OTUD7A: variants seen among roughly 807,000 people sequenced by gnomAD.
OTUD7A encodes the protein OTU deubiquitinase 7A, also known as OTU domain-containing protein 7A.
Under a neutral mutation model 65.7 loss-of-function variants are expected in OTUD7A, and 12 were observed. That is an observed-to-expected ratio of 0.18 (90% CI 0.12 to 0.30). The LOEUF (loss-of-function observed/expected upper bound fraction) is 0.30. Among genes scored for constraint, OTUD7A ranks in the 10% least tolerant of loss-of-function variants. OTUD7A has a pLI of 1.00. For synonymous variants in OTUD7A, 641 were observed against 586.3 expected (o/e 1.09, Z -1.35); for missense variants, 1,148 against 1,304.8 (o/e 0.88, Z 1.85).
chr15:31,581,566 C>T (rs1889372158), intron 3 of OTUD7A, among the ~76,000 whole-genome samples: 1 of 152,234 alleles, frequency 6.6e-6, no homozygotes, highest in Admixed American at 6.5e-5. Flanking sequence ...AACCTCACTT[C>T]TTGACTTCTG....
chr15:31,869,906 AG>A (rs377409004), intron 1 of OTUD7A, among the ~76,000 whole-genome samples: 312 of 152,278 alleles, frequency 2.0e-3, no homozygotes, highest in African/African-American at 7.4e-3. Flanking sequence ...AGGAGATACT[AG>A]GGAAGGCCTC....
chr15:31,853,546 G>T (rs1897484202), intron 1 of OTUD7A, among the ~76,000 whole-genome samples: 1 of 152,322 alleles, frequency 6.6e-6, no homozygotes, highest in African/African-American at 2.4e-5. Flanking sequence ...AGGAGAAATG[G>T]CCTAGCCCCA....
In OTUD7A at chr15:31,688,287, C is replaced by A. The variant is rs564282547; in HGVS notation, c.-99-31210G>T. Among the ~76,000 whole-genome samples, 308 of 151,730 alleles carry A rather than the reference C, an allele frequency of 2.0e-3. 1 individual carries two copies. The highest frequency in any genetic ancestry group is 3.5e-3 in the Non-Finnish European group (236 of 67,988). ...ACCTTAGCCCAGTGAACAAACTTAT[C>A]ACCATGAGCCACGGTGTGCCCACTG... On this transcript the variant is annotated intron_variant, in intron 1 of 12. Coordinates refer to ENST00000307050, the MANE Select transcript of OTUD7A (RefSeq NM_001382637.1).
intron 1 of OTUD7A, among the ~76,000 whole-genome samples, chr15:31,676,114 T>A (rs1170685671): frequency 6.6e-6 from 1 of 152,178 alleles, no homozygotes; most frequent in Non-Finnish European, 1.5e-5. Context: ...ATATTGTGAC[T>A]AAAGTGATGG....
In OTUD7A at chr15:31,719,109, G is replaced by T. The variant is rs544632511; in HGVS notation, c.-99-62032C>A. On this transcript the variant is annotated intron_variant, in intron 1 of 12. Coordinates refer to ENST00000307050, the MANE Select transcript of OTUD7A (RefSeq NM_001382637.1). ...ATGTTTTATTTTTATTTTAGAGACA[G>T]AGTCTTATTCTGTTGCCCAGGCTGG... Among the ~76,000 whole-genome samples the T allele has an allele frequency of 2.2e-3, 331 of 152,202 alleles. 1 individual carries two copies. The highest frequency in any genetic ancestry group is 1.3e-3 in the Non-Finnish European group (90 of 68,020).
At chr15:31,573,869 C>T (rs1889124697) in intron 3 of OTUD7A, among the ~76,000 whole-genome samples, 1 of 152,112 alleles carries the variant, frequency 6.6e-6, no homozygotes, top group Non-Finnish European at 1.5e-5. Context: ...CCACTGCATG[C>T]CAGCCTGGGC....
intron 1 of OTUD7A, among the ~76,000 whole-genome samples, chr15:31,709,088 G>C (rs1209788588): frequency 1.3e-5 from 2 of 151,372 alleles, no homozygotes; most frequent in Non-Finnish European, 2.9e-5. Flanking sequence ...GAGAGGGAGA[G>C]AAAACACAGG....
chr15:31,823,161 T>C (rs1477148929), intron 1 of OTUD7A, among the ~76,000 whole-genome samples: 1 of 152,052 alleles, frequency 6.6e-6, no homozygotes. Context: ...GGACACCTCT[T>C]TCGCACACAA....
intron 3 of OTUD7A, among the ~76,000 whole-genome samples, chr15:31,579,732 A>G (rs1194911559): frequency 2.6e-5 from 4 of 152,378 alleles, no homozygotes; most frequent in African/African-American, 9.6e-5. Context: ...ACATGTATAC[A>G]CATGCACACA....
chr15:31,563,546 C>T (rs1888763411), intron 4 of OTUD7A, among the ~76,000 whole-genome samples: 1 of 152,160 alleles, frequency 6.6e-6, no homozygotes, highest in African/African-American at 2.4e-5. Flanking sequence ...CCTGCCTTTC[C>T]TCTCCCCAGC....
rs938139077 is a variant in OTUD7A at position 31,476,434 on chromosome 15, T to C, written c.*6860A>G. The C allele has an allele frequency of 7.2e-5, 11 of 152,266 alleles. No homozygotes were observed. Among genetic ancestry groups the C allele is most frequent in the African/African-American group, 2.2e-4 (9 of 41,448 alleles). 9.4% of individuals were successfully genotyped at this position (152,266 alleles called of 1,614,324 possible). Reference sequence around the variant, plus strand: ...TGTGTGCAAAGAGCTGGACAGCCCATAGGGCCTGGGAGACCTTCACGGACA... The same window carrying C: ...TGTGTGCAAAGAGCTGGACAGCCCACAGGGCCTGGGAGACCTTCACGGACA... On this transcript the variant is annotated 3_prime_UTR_variant, in exon 13 of 13. Coordinates refer to ENST00000307050, the MANE Select transcript of OTUD7A (RefSeq NM_001382637.1).
chr15:31,569,333 A>G (rs1888973992), intron 4 of OTUD7A, among the ~76,000 whole-genome samples: 1 of 152,268 alleles, frequency 6.6e-6, no homozygotes, highest in Non-Finnish European at 1.5e-5. Flanking sequence ...TACAGCAGTG[A>G]TCTAAAAATT....
At chr15:31,495,334 C>T (rs2041368151) in intron 10 of OTUD7A, among the ~76,000 whole-genome samples, 1 of 152,222 alleles carries the variant, frequency 6.6e-6, no homozygotes, top group African/African-American at 2.4e-5. Flanking sequence ...CGTTACTCAG[C>T]TCTCTGGGCA....
rs887933174 is a variant in OTUD7A, at chr15:31,783,608, G to A, written c.-100+86899C>T. 2.6e-5 allele frequency among the ~76,000 whole-genome samples: 4 copies of A among 152,148 alleles called. No individual in the cohort carries two copies. The East Asian group carries it at 7.7e-4, about 29-fold the overall frequency. On this transcript the variant is annotated intron_variant, in intron 1 of 12. Coordinates refer to ENST00000307050, the MANE Select transcript of OTUD7A (RefSeq NM_001382637.1). ...TGAAAAGTATTAATTGTATTAACTA[G>A]CAACCCTTGTGTGTAAGTGTTCCTG... is the stretch of plus-strand genomic sequence containing the variant.
chr15:31,630,763 T>C (rs367952850), intron 3 of OTUD7A, among the ~76,000 whole-genome samples: 2 of 121,906 alleles, frequency 1.6e-5, no homozygotes, highest in Admixed American at 8.3e-5. Flanking sequence ...TTATGAATCT[T>C]GGTGCTCCTG....
chr15:31,659,140 T>C (rs1892086685), intron 1 of OTUD7A, among the ~76,000 whole-genome samples: 1 of 152,178 alleles, frequency 6.6e-6, no homozygotes, highest in Admixed American at 6.5e-5. Flanking sequence ...TGCATTATAT[T>C]TGTAGATGTT....
intron 1 of OTUD7A, chr15:31,768,097 T>C: frequency 1.9e-6 from 3 of 1,598,194 alleles, no homozygotes; most frequent in South Asian, 2.2e-5. Flanking sequence ...TTTTAAAGTG[T>C]TGTCTGTGTT....
At chr15:31,596,316 G>T (rs1239051041) in intron 3 of OTUD7A, among the ~76,000 whole-genome samples, 4 of 152,204 alleles carry the variant, frequency 2.6e-5, no homozygotes, top group African/African-American at 9.7e-5. Context: ...TGCATCAGTA[G>T]TTCACTGCTT....
At position 31,484,647 on chromosome 15, in the gene OTUD7A, C is replaced by T. The variant is rs1306740057; in HGVS notation, c.1449G>A (p.Ser483=). ...AATTGCTGCACACCGAATCGCGGTC[C>T]GAGTCCAGCGAGTCGGCCAGGGACT... ...DVQSLADSLD[S]DRDSVCSNSN... The change falls in exon 13 of 13, where the codon TCG becomes TCA. Residue 483 remains serine (S), a synonymous_variant. Coordinates refer to ENST00000307050, the MANE Select transcript of OTUD7A (RefSeq NM_001382637.1). This position sits in a 1 kb window ranked among gnomAD's most constrained non-coding sequence, Gnocchi z 4.5. 1.3e-6 allele frequency: 2 copies of T among 1,582,380 alleles called. No individual in the cohort carries two copies. Among genetic ancestry groups the T allele is most frequent in the Non-Finnish European group, 1.7e-6 (2 of 1,166,534 alleles).
Sources: gnomAD v4.1 joint callset for allele counts (sites outside exome capture counted in the v4.1 genomes callset) on GRCh38, gnomAD v4.1.1 for gene constraint, Gnocchi (gnomAD v3.1) non-coding constraint, MANE v1.5 for transcripts, NCBI Gene and HGNC (gene_info 2026-07-23, HGNC 2026-07-21) for gene names.